CHST11: variants seen among roughly 807,000 people sequenced by gnomAD.
The protein encoded by CHST11 is C4S-1.
A neutral mutation model predicts 30.4 loss-of-function variants in CHST11; 9 were observed. The observed-to-expected ratio is 0.30, with a 90% CI of 0.18 to 0.52. CHST11 has a LOEUF of 0.52. Among genes scored for constraint, CHST11 ranks in the 20% least tolerant of loss-of-function variants. The pLI, the probability that CHST11 is intolerant of heterozygous loss-of-function variation, is 0.97. For synonymous variants in CHST11, 152 were observed against 187.8 expected (o/e 0.81, Z 1.56); for missense variants, 348 against 460.6 (o/e 0.76, Z 2.24).
At chr12:104,745,335 G>T (rs1363185770) in intron 2 of CHST11, among the ~76,000 whole-genome samples, 1 of 152,140 alleles carries the variant, frequency 6.6e-6, no homozygotes, top group Non-Finnish European at 1.5e-5. Context: ...TGCCGTTTCG[G>T]TTACTATAGC....
chr12:104,679,905 C>T (rs2039778483), intron 2 of CHST11, among the ~76,000 whole-genome samples: 1 of 152,238 alleles, frequency 6.6e-6, no homozygotes, highest in Admixed American at 6.5e-5. Flanking sequence ...CTCCCCACAA[C>T]AAAACCCCTC....
chr12:104,554,286 G>A (rs772061196), intron 1 of CHST11, among the ~76,000 whole-genome samples: 25 of 152,140 alleles, frequency 1.6e-4, no homozygotes, highest in Non-Finnish European at 3.5e-4. Flanking sequence ...AACAAGAGGG[G>A]ACCGAGGGTT....
chr12:104,521,613 C>T (rs1203696030), intron 1 of CHST11, among the ~76,000 whole-genome samples: 2 of 152,194 alleles, frequency 1.3e-5, no homozygotes, highest in Non-Finnish European at 2.9e-5. Context: ...CATCTAGCTT[C>T]TGCCCCAACA....
At chr12:104,723,876 C>G (rs1389219486) in intron 2 of CHST11, among the ~76,000 whole-genome samples, 2 of 152,196 alleles carry the variant, frequency 1.3e-5, no homozygotes, top group Non-Finnish European at 2.9e-5. Flanking sequence ...AATTTTGACA[C>G]AAGCTATGTG....
intron 2 of CHST11, among the ~76,000 whole-genome samples, chr12:104,713,554 G>C (rs2136122063): frequency 6.6e-6 from 1 of 152,280 alleles, no homozygotes; most frequent in East Asian, 1.9e-4. Flanking sequence ...TACTCTGCGT[G>C]AGTTTCGAAT....
chr12:104,500,107 T>C (rs891690023), intron 1 of CHST11, among the ~76,000 whole-genome samples: 1 of 152,238 alleles, frequency 6.6e-6, no homozygotes, highest in African/African-American at 2.4e-5. Context: ...TTTATTAGAT[T>C]AGAAGCTCAG....
At chr12:104,636,189 G>C (rs368954340) in intron 2 of CHST11, among the ~76,000 whole-genome samples, 2 of 152,112 alleles carry the variant, frequency 1.3e-5, no homozygotes, top group Non-Finnish European at 2.9e-5. Flanking sequence ...TTGGCCTCCC[G>C]TGTCCTCATT....
At chr12:104,486,913 T>G (rs750130748) in intron 1 of CHST11, among the ~76,000 whole-genome samples, 3 of 152,182 alleles carry the variant, frequency 2.0e-5, no homozygotes, top group Non-Finnish European at 4.4e-5. Flanking sequence ...ATAGTCCAAT[T>G]CAGCAATCCA....
chr12:104,717,328 C>T (rs547965501), intron 2 of CHST11, among the ~76,000 whole-genome samples: 7 of 152,272 alleles, frequency 4.6e-5, no homozygotes, highest in African/African-American at 1.4e-4. Flanking sequence ...TTAGCTGCCC[C>T]AAAACCATTT....
At chr12:104,695,880 G>A (rs1292458376) in intron 2 of CHST11, among the ~76,000 whole-genome samples, 1 of 152,176 alleles carries the variant, frequency 6.6e-6, no homozygotes, top group Non-Finnish European at 1.5e-5. Context: ...CAGTGGGGCA[G>A]CCCTGGAGGA....
chr12:104,514,867 A>G (rs1464973758), intron 1 of CHST11, among the ~76,000 whole-genome samples: 1 of 152,184 alleles, frequency 6.6e-6, no homozygotes, highest in Non-Finnish European at 1.5e-5. Context: ...GGGGACAAAT[A>G]TCTGAACTAT....
At chr12:104,665,504 T>C (rs573507928) in intron 2 of CHST11, among the ~76,000 whole-genome samples, 15 of 152,168 alleles carry the variant, frequency 9.9e-5, no homozygotes, top group Non-Finnish European at 1.6e-4. Context: ...CACAGCTGAA[T>C]CTCTTTTTCC....
intron 2 of CHST11, among the ~76,000 whole-genome samples, chr12:104,727,394 C>T (rs1020011826): frequency 6.6e-6 from 1 of 152,226 alleles, no homozygotes; most frequent in East Asian, 1.9e-4. Context: ...GCTGAAGTTA[C>T]ACCAATGCAA....
chr12:104,687,672 G>A (rs887485917), intron 2 of CHST11, among the ~76,000 whole-genome samples: 2 of 152,186 alleles, frequency 1.3e-5, no homozygotes, highest in African/African-American at 4.8e-5. Context: ...GGTACTACGA[G>A]TTGAAATGAG....
At chr12:104,531,787 C>T (rs987414901) in intron 1 of CHST11, among the ~76,000 whole-genome samples, 1 of 152,324 alleles carries the variant, frequency 6.6e-6, no homozygotes, top group Non-Finnish European at 1.5e-5. Flanking sequence ...GGCCCAGTCA[C>T]TCTCTCTGTT....
At chr12:104,637,748 A>T (rs1695853036) in intron 2 of CHST11, among the ~76,000 whole-genome samples, 1 of 152,060 alleles carries the variant, frequency 6.6e-6, no homozygotes, top group South Asian at 2.1e-4. Flanking sequence ...GTCCCCTTTG[A>T]GTGGAACTCT....
At chr12:104,690,961 G>A (rs903877982) in intron 2 of CHST11, among the ~76,000 whole-genome samples, 3 of 152,212 alleles carry the variant, frequency 2.0e-5, no homozygotes, top group African/African-American at 7.2e-5. Context: ...AATCATCTTT[G>A]GCCAGCATCA....
intron 1 of CHST11, among the ~76,000 whole-genome samples, chr12:104,529,716 G>A (rs2038161982): frequency 2.0e-5 from 3 of 152,100 alleles, no homozygotes; most frequent in South Asian, 2.1e-4. Context: ...AAGGGGATAT[G>A]GAAGGCATGG....
chr12:104,544,125 TAAAA>T (rs60776273), intron 1 of CHST11, among the ~76,000 whole-genome samples: 42 of 97,388 alleles, frequency 4.3e-4, no homozygotes, highest in African/African-American at 1.6e-3. Flanking sequence ...CCCTGTCTGT[TAAAA>T]AAAAAAAAAA....
Sources: gnomAD v4.1 joint callset for allele counts (sites outside exome capture counted in the v4.1 genomes callset) on GRCh38, gnomAD v4.1.1 for gene constraint, MANE v1.5 for transcripts, NCBI Gene and HGNC (gene_info 2026-07-23, HGNC 2026-07-21) for gene names.